The following DNAAF9 variants were observed in gnomAD, a reference collection of about 807,000 sequenced individuals.
DNAAF9 encodes dynein axonemal assembly factor 9.
A neutral mutation model predicts 167.0 loss-of-function variants in DNAAF9; 90 were observed. The ratio of observed to expected loss-of-function variants is 0.54; its 90% CI spans 0.45 to 0.64. The LOEUF is 0.64. DNAAF9 is among the 30% of genes least tolerant of loss of function. The pLI is 0.00. For synonymous variants in DNAAF9, 491 were observed against 508.8 expected, an observed-to-expected ratio of 0.96 and a Z score of 0.47; for missense variants, 1,315 against 1,442.2, an observed-to-expected ratio of 0.91 and a Z score of 1.43.
intron 1 of DNAAF9, among the ~76,000 whole-genome samples, chr20:3,402,289 A>G (rs1372289444): frequency 6.6e-6 from 1 of 152,162 alleles, no homozygotes; most frequent in African/African-American, 2.4e-5. Flanking sequence ...ATATATATGT[A>G]TTTGTGTACC....
chr20:3,374,305 G>C, intron 5 of DNAAF9, 151 bp from the exon 6 acceptor site: 1 of 496,462 alleles, frequency 2.0e-6, no homozygotes. Context: ...AAAATGGTTA[G>C]ATATTGAAAC....
chr20:3,271,309 A>G, intron 29 of DNAAF9, among the ~76,000 whole-genome samples: 1 of 152,146 alleles, frequency 6.6e-6, no homozygotes, highest in East Asian at 1.9e-4. Flanking sequence ...CTGCCAAGAT[A>G]CTGTGCACAG....
intron 35 of DNAAF9, among the ~76,000 whole-genome samples, 176 bp downstream of exon 35, chr20:3,255,039 CCTCA>C (rs1257684159): frequency 6.6e-6 from 1 of 152,226 alleles, no homozygotes; most frequent in Non-Finnish European, 1.5e-5. Context: ...CCTGTGCCCT[CCTCA>C]CTGAGGCTGC....
chr20:3,388,060 T>C (rs1367085179), intron 1 of DNAAF9, among the ~76,000 whole-genome samples: 1 of 145,072 alleles, frequency 6.9e-6, no homozygotes, highest in African/African-American at 2.6e-5. Flanking sequence ...AGAGCAAGAC[T>C]CTGTCTCAAA....
chr20:3,287,724 G>A lies in DNAAF9; in HGVS notation c.2394C>T (p.Tyr798=). ...ECFHAAHFQR[Y]LSSALEAQQN... is the part of the protein sequence containing the mutation. Reference sequence around the variant, plus strand: ...GCTGGGCCTCTAGGGCACTGGAAAGGTATCTCTGGAAGTGTGCAGCATGAA... The same window carrying A: ...GCTGGGCCTCTAGGGCACTGGAAAGATATCTCTGGAAGTGTGCAGCATGAA... The change falls in exon 27 of 37, where the codon TAC becomes TAT. Residue 798 remains tyrosine (Y), a synonymous_variant. Coordinates refer to ENST00000252032, the MANE Select transcript of DNAAF9 (RefSeq NM_001009984.3). 1.2e-6 allele frequency: 2 copies of A among 1,614,196 alleles called. No homozygotes were observed. The highest frequency in any genetic ancestry group is 1.1e-5 in the South Asian group (1 of 91,088).
chr20:3,301,774 G>A (rs899811242), intron 21 of DNAAF9, among the ~76,000 whole-genome samples: 1 of 152,056 alleles, frequency 6.6e-6, no homozygotes, highest in African/African-American at 2.4e-5. Context: ...TATCTGTTAA[G>A]TAGCCTCATG....
At position 3,249,613 on chromosome 20, in the gene DNAAF9, C is replaced by T. The variant is rs780233129; in HGVS notation, c.*2959G>A. The T allele has an allele frequency of 6.6e-5, 10 of 152,196 alleles. No homozygotes were observed. Among genetic ancestry groups the T allele is most frequent in the Non-Finnish European group, 1.3e-4 (9 of 68,026 alleles). The allele number at this position is 152,196 out of a possible 1,614,324, so 9.4% of individuals were successfully genotyped here. A position where few individuals can be genotyped will look rare whatever the true frequency, so the allele number is the denominator to read the frequency against. ...TTGGCACGTAAGTGAGCTCTTATGT[C>T]ATTAGTATTTGACATCCTGGGACAA... On this transcript the variant is annotated 3_prime_UTR_variant, in exon 37 of 37. Coordinates refer to ENST00000252032, the MANE Select transcript of DNAAF9 (RefSeq NM_001009984.3).
In DNAAF9 at chr20:3,250,182, G is replaced by C. The variant is rs1362022721; in HGVS notation, c.*2390C>G. On this transcript the variant is annotated 3_prime_UTR_variant, in exon 37 of 37. Coordinates refer to ENST00000252032, the MANE Select transcript of DNAAF9 (RefSeq NM_001009984.3). ...GGATCCACTTCTAAGGTCAAAAGCA[G>C]TGTCATGGCCATTCCTTTGGAAACA... The C allele has an allele frequency of 6.6e-6, 1 of 152,250 alleles. No homozygotes were observed. The highest frequency in any genetic ancestry group is 1.5e-5 in the Non-Finnish European group (1 of 68,058). The allele number at this position is 152,250 out of a possible 1,614,324, so 9.4% of individuals were successfully genotyped here.
chr20:3,257,280 G>A (rs1231313819), intron 33 of DNAAF9, among the ~76,000 whole-genome samples: 1 of 152,032 alleles, frequency 6.6e-6, no homozygotes, highest in South Asian at 2.1e-4. Flanking sequence ...GGAGGCCGAG[G>A]CAGGAGGATC....
intron 7 of DNAAF9, among the ~76,000 whole-genome samples, chr20:3,349,192 C>CAAAAAAA (rs148023287): frequency 0.027 from 1,058 of 39,022 alleles, 146 homozygotes; most frequent in African/African-American, 0.05. Flanking sequence ...TCGTCTCTAC[C>CAAAAAAA]AAAAAAAAAA....
At position 3,259,554 on chromosome 20, in the gene DNAAF9, G is replaced by A. The variant is rs952603924; in HGVS notation, c.2981C>T (p.Ala994Val). 3.7e-6 allele frequency: 6 copies of A among 1,607,218 alleles called. No individual in the cohort carries two copies. The African/African-American group carries it at 4.0e-5, about 11-fold the overall frequency. The change falls in exon 33 of 37, where the codon GCA becomes GTA. Residue 994 changes from alanine to valine, a missense_variant and splice_region_variant. Ala to Val is a moderately conservative substitution (Grantham distance 64). Transcript: ENST00000252032. ...EKTRFVAKCK[A>V]IQSSIKPSPF... The stretch of plus-strand genomic sequence containing the variant: ...ACTTGGCTTGATGGAGGACTGAATT[G>A]CTGGTGGAAGAAGAGGACAGCGCTG...
intron 1 of DNAAF9, among the ~76,000 whole-genome samples, chr20:3,398,793 C>T (rs762583345): frequency 6.6e-6 from 1 of 152,144 alleles, no homozygotes; most frequent in Non-Finnish European, 1.5e-5. Flanking sequence ...CCTGGCCCTG[C>T]ATTAAAGCAG....
intron 25 of DNAAF9, among the ~76,000 whole-genome samples, chr20:3,293,292 CAA>C (rs1172725572): frequency 1.4e-3 from 32 of 22,864 alleles, no homozygotes; most frequent in Non-Finnish European, 2.1e-3. Context: ...GACTCCGTCT[CAA>C]AAAAAAAAAA....
intron 31 of DNAAF9, 31 bp downstream of exon 31, chr20:3,264,407 A>C (rs986942798): frequency 6.3e-6 from 6 of 952,124 alleles, no homozygotes; most frequent in Non-Finnish European, 1.0e-5. Context: ...TTACAAAAAA[A>C]TCTTAGTTAT....
intron 11 of DNAAF9, among the ~76,000 whole-genome samples, chr20:3,331,517 C>G (rs1455379586): frequency 1.3e-5 from 2 of 152,160 alleles, no homozygotes; most frequent in African/African-American, 2.4e-5. Context: ...GTAAGCAGGG[C>G]AGCCCCAGCA....
chr20:3,362,204 C>A, intron 6 of DNAAF9: 2 of 1,436,122 alleles, frequency 1.4e-6, no homozygotes. Context: ...GTCATGTCTT[C>A]GTAATCTTCT....
intron 6 of DNAAF9, among the ~76,000 whole-genome samples, chr20:3,370,372 C>T (rs900179581): frequency 6.6e-5 from 10 of 152,056 alleles, no homozygotes; most frequent in Non-Finnish European, 8.8e-5. Context: ...CCTCAGCCTC[C>T]CAAGTAGGTG....
rs1464968697 is a variant in DNAAF9, at chr20:3,281,742, G to A, written c.2511C>T (p.Val837=). ...AGTCTGGGTGGGTCTGCAGGGCCTG[G>A]ACAACATCAATAACATCTGTGTAGC... The part of the protein sequence containing the change: ...LQGYTDVIDV[V]QALQTHPDSN... The change falls in exon 28 of 37, where the codon GTC becomes GTT. Residue 837 remains valine, a synonymous_variant. Coordinates refer to ENST00000252032, the MANE Select transcript of DNAAF9 (RefSeq NM_001009984.3). The A allele has an allele frequency of 6.2e-7, 1 of 1,611,962 alleles. No individual in the cohort carries two copies. The highest frequency in any genetic ancestry group is 1.3e-5 in the African/African-American group (1 of 74,834).
chr20:3,322,625 A>C (rs2069636435), intron 15 of DNAAF9, 27 bp downstream of exon 15: 3 of 1,575,712 alleles, frequency 1.9e-6, no homozygotes, highest in Non-Finnish European at 2.6e-6. Context: ...TGCTCCATGT[A>C]AGGATGCACC....
Sources: allele counts gnomAD v4.1 joint callset (sites outside exome capture counted in the v4.1 genomes callset), GRCh38; gene constraint gnomAD v4.1.1; transcripts MANE v1.5; gene names NCBI Gene and HGNC (gene_info 2026-07-23, HGNC 2026-07-21).